Variants in MYO18B observed in about 807,000 individuals in gnomAD.
MYO18B encodes the protein unconventional myosin-XVIIIb.
A neutral mutation model predicts 273.0 loss-of-function variants in MYO18B; 204 were observed. That is an observed-to-expected ratio of 0.75 (90% confidence interval 0.67 to 0.84). The LOEUF is 0.84. Among genes scored for constraint, MYO18B ranks in the 40% least tolerant of loss-of-function variants. The probability of loss-of-function intolerance (pLI) is 0.00; values close to 1 mark genes in which losing one functional copy is unlikely to be tolerated. For missense variants in MYO18B, 3,212 were observed against 3,287.6 expected (o/e 0.98, Z 0.56); for synonymous variants, 1,330 against 1,305.7 (o/e 1.02, Z -0.40).
At chr22:25,906,163 C>G (rs908720920) in intron 31 of MYO18B, among the ~76,000 whole-genome samples, 1 of 152,190 alleles carries the variant, frequency 6.6e-6, no homozygotes, top group African/African-American at 2.4e-5. Context: ...CCCTTGTAGA[C>G]ATCCAGTGGA....
intron 5 of MYO18B, 131 bp downstream of exon 5, chr22:25,770,307 T>C (rs1382164110): frequency 2.6e-6 from 2 of 775,482 alleles, no homozygotes; most frequent in East Asian, 5.2e-5. Flanking sequence ...GGAGACTGTC[T>C]TTCAAAGGCA....
rs1569137511 is a variant in MYO18B at position 25,874,286 on chromosome 22, GT to G, written c.3957del (p.Leu1320SerfsTer5). The G allele has an allele frequency of 6.2e-7, 1 of 1,613,722 alleles. No individual in the cohort carries two copies. The highest frequency in any genetic ancestry group is 2.2e-5 in the East Asian group (1 of 44,838). On this transcript the variant is annotated frameshift_variant and splice_region_variant, in exon 23 of 44. Coordinates refer to ENST00000335473, the MANE Select transcript of MYO18B (RefSeq NM_032608.7). LOFTEE classifies it high-confidence loss of function. ...CACCTGAAACCTTCCCTCTCCCCAG[GT>G]TTTTCTCAAGGCAGGTGTGATCTCC... is the stretch of plus-strand genomic sequence containing the variant. ...KKAVAVGHSQ[V>X]FLKAGVISRL...
chr22:25,846,423 A>G, intron 19 of MYO18B, 140 bp downstream of exon 19: 1 of 931,652 alleles, frequency 1.1e-6, no homozygotes, highest in Admixed American at 2.9e-5. Context: ...CGCTCCACAG[A>G]GGAGGAAATG....
At chr22:25,839,006 A>G (rs150614609) in intron 17 of MYO18B, among the ~76,000 whole-genome samples, 3 of 151,214 alleles carry the variant, frequency 2.0e-5, no homozygotes, top group Non-Finnish European at 4.4e-5. Context: ...CTGTGTGTAT[A>G]TGTGTGTGTG....
At chr22:25,749,898 G>A (rs1280701706) in intron 1 of MYO18B, among the ~76,000 whole-genome samples, 1 of 152,126 alleles carries the variant, frequency 6.6e-6, no homozygotes, top group African/African-American at 2.4e-5. Context: ...GACAGCCCAC[G>A]GCCAGATCCA....
chr22:25,843,641 C>G (rs5761267), intron 17 of MYO18B, 94 bp from the exon 18 acceptor site: 2 of 1,331,706 alleles, frequency 1.5e-6, no homozygotes, highest in East Asian at 4.7e-5. Context: ...TCTGGAAACA[C>G]GTTAAGATGG....
At chr22:25,990,983 C>A (rs549937041) in intron 39 of MYO18B, among the ~76,000 whole-genome samples, 10 of 152,212 alleles carry the variant, frequency 6.6e-5, no homozygotes, top group African/African-American at 2.4e-4. Flanking sequence ...CTCAATTCTC[C>A]ATGAGTGTTA....
At chr22:26,024,581 C>G (rs1936100300) in intron 42 of MYO18B, among the ~76,000 whole-genome samples, 1 of 152,202 alleles carries the variant, frequency 6.6e-6, no homozygotes, top group South Asian at 2.1e-4. Context: ...CAGACCGCTG[C>G]TGTAACCCTC....
chr22:25,916,206 G>C (rs935830604), intron 33 of MYO18B, among the ~76,000 whole-genome samples: 5 of 152,158 alleles, frequency 3.3e-5, no homozygotes, highest in Admixed American at 6.5e-5. Context: ...TCATAATAAT[G>C]TTTACTTTTG....
At chr22:25,776,928 A>G (rs2086937653) in intron 7 of MYO18B, among the ~76,000 whole-genome samples, 1 of 152,284 alleles carries the variant, frequency 6.6e-6, no homozygotes, top group African/African-American at 2.4e-5. Flanking sequence ...TCTTCACCAA[A>G]ACTTGGTAGT....
intron 12 of MYO18B, among the ~76,000 whole-genome samples, chr22:25,803,232 G>A (rs1046376692): frequency 8.5e-5 from 13 of 152,124 alleles, no homozygotes; most frequent in Admixed American, 2.6e-4. Flanking sequence ...CAAAGTGCTG[G>A]GATTACAGGC....
chr22:25,885,572 T>TG (rs1053346556), intron 25 of MYO18B, among the ~76,000 whole-genome samples: 4 of 151,846 alleles, frequency 2.6e-5, no homozygotes, highest in African/African-American at 4.8e-5. Flanking sequence ...TGTTTGTGTT[T>TG]GGGGGGTTGA....
intron 15 of MYO18B, among the ~76,000 whole-genome samples, chr22:25,830,553 C>T (rs1459595471): frequency 6.6e-6 from 1 of 152,176 alleles, no homozygotes; most frequent in Non-Finnish European, 1.5e-5. Context: ...TCTAGGCAGG[C>T]CTTGTCTGGG....
chr22:25,753,244 G>A (rs1354577312), intron 1 of MYO18B, among the ~76,000 whole-genome samples: 2 of 152,260 alleles, frequency 1.3e-5, no homozygotes, highest in East Asian at 3.8e-4. Flanking sequence ...GGTGTGGGGG[G>A]GGCGGGGGTT....
intron 14 of MYO18B, among the ~76,000 whole-genome samples, chr22:25,827,430 A>G (rs1350952666): frequency 6.6e-6 from 1 of 152,348 alleles, no homozygotes; most frequent in Admixed American, 6.5e-5. Context: ...TGCAGGCACC[A>G]GGAGCCTCTG....
At chr22:25,800,714 G>T (rs1433227717) in intron 12 of MYO18B, among the ~76,000 whole-genome samples, 4 of 152,206 alleles carry the variant, frequency 2.6e-5, no homozygotes, top group African/African-American at 7.2e-5. Flanking sequence ...GAGCCCCCTG[G>T]CTTATTAGCC....
chr22:25,841,484 C>A (rs2090081237), intron 17 of MYO18B, among the ~76,000 whole-genome samples: 1 of 152,202 alleles, frequency 6.6e-6, no homozygotes, highest in Non-Finnish European at 1.5e-5. Context: ...GTGTGCTGGA[C>A]ACCATCCTGG....
intron 36 of MYO18B, among the ~76,000 whole-genome samples, chr22:25,948,480 T>TTTC (rs2092749828): frequency 4.7e-5 from 6 of 126,378 alleles, no homozygotes; most frequent in African/African-American, 1.7e-4. Flanking sequence ...CTTTCTTTCT[T>TTTC]TCTTTCTCTT....
intron 24 of MYO18B, among the ~76,000 whole-genome samples, chr22:25,877,513 GCTGGAGTGCAGTGGT>G (rs1446764856): frequency 6.6e-6 from 1 of 152,076 alleles, no homozygotes; most frequent in Non-Finnish European, 1.5e-5. Context: ...TGTTGCCCAG[GCTGGAGTGCAGTGGT>G]GCTATCTCGG....
Sources: allele counts gnomAD v4.1 joint callset (sites outside exome capture counted in the v4.1 genomes callset), GRCh38; gene constraint gnomAD v4.1.1; transcripts MANE v1.5; gene names NCBI Gene and HGNC (gene_info 2026-07-23, HGNC 2026-07-21).